The following DNAH3 variants were observed in gnomAD, a reference collection of about 807,000 sequenced individuals.
DNAH3 encodes the protein dynein axonemal heavy chain 3.
In DNAH3, 332 loss-of-function variants were observed where a neutral mutation model predicts 432.5. The observed-to-expected ratio is 0.77, with a 90% CI of 0.70 to 0.84. The LOEUF (loss-of-function observed/expected upper bound fraction) is 0.84. DNAH3 is among the 40% of genes least tolerant of loss of function. The pLI is 0.00. For missense variants in DNAH3, 4,861 were observed against 5,114.0 expected, an observed-to-expected ratio of 0.95 and a Z score of 1.51; for synonymous variants, 1,956 against 1,900.2, an observed-to-expected ratio of 1.03 and a Z score of -0.76.
chr16:20,954,131 G>A (rs1372497019), intron 55 of DNAH3, among the ~76,000 whole-genome samples: 1 of 151,000 alleles, frequency 6.6e-6, no homozygotes, highest in African/African-American at 2.4e-5. Flanking sequence ...GCTGAAGTGG[G>A]AGGATCGCTT....
At chr16:21,122,037 T>C (rs1399234767) in exon 10 of DNAH3, 1 of 1,613,736 alleles carries the variant, frequency 6.2e-7, no homozygotes, top group Non-Finnish European at 8.5e-7. Flanking sequence ...AAGACAATAA[T>C]GGGTTCACTG....
At chr16:21,155,373 C>G (rs2092891127) in intron 1 of DNAH3, among the ~76,000 whole-genome samples, 1 of 151,874 alleles carries the variant, frequency 6.6e-6, no homozygotes, top group African/African-American at 2.4e-5. Context: ...CCTGTAATCC[C>G]AACACTTTGG....
intron 51 of DNAH3, among the ~76,000 whole-genome samples, chr16:20,971,764 T>C (rs1201157865): frequency 6.6e-6 from 1 of 152,148 alleles, no homozygotes; most frequent in East Asian, 1.9e-4. Flanking sequence ...GGCTGTGCTG[T>C]TTTCCTTCCC....
chr16:21,041,065 T>G (rs930924962), intron 32 of DNAH3, among the ~76,000 whole-genome samples: 2 of 152,132 alleles, frequency 1.3e-5, no homozygotes, highest in Admixed American at 1.3e-4. Flanking sequence ...TTACAAATAC[T>G]GGGCAGTAAA....
chr16:20,936,545 T>C, intron 60 of DNAH3, 104 bp downstream of exon 60: 1 of 983,626 alleles, frequency 1.0e-6, no homozygotes, highest in Non-Finnish European at 1.5e-6. Context: ...GGATGTTCTG[T>C]GGCTGCCTGC....
Position 21,146,948 on chromosome 16 carries a change from C to T in DNAH3, c.118-860G>A, listed in dbSNP as rs75707925. Among the ~76,000 whole-genome samples, 72 of 151,936 alleles carry T rather than the reference C, an allele frequency of 4.7e-4. 1 individual carries two copies. The East Asian group carries it at 0.011, about 23-fold the overall frequency. ...GCTAATTTTATATTTTTAGTAGAGACGGGGTTTCATCATGTTGGCCAGGCT... is the reference window on the plus strand; with the variant it reads ...GCTAATTTTATATTTTTAGTAGAGATGGGGTTTCATCATGTTGGCCAGGCT... On this transcript the variant is annotated intron_variant, in intron 1 of 61. Coordinates refer to ENST00000261383, the Ensembl canonical transcript of DNAH3.
chr16:21,154,009 ACT>A lies in DNAH3; in HGVS notation c.117+5314_117+5315del, dbSNP rs1193223200. On this transcript the variant is annotated intron_variant, in intron 1 of 61. Transcript: ENST00000261383. Reference sequence around the variant, plus strand: ...AATTGAGACAGTGGGAGAGCTGGAGACTCTGGTTTAGACGGAAATGGGAAGAT... The same window carrying A: ...AATTGAGACAGTGGGAGAGCTGGAGACTGGTTTAGACGGAAATGGGAAGAT... Among the ~76,000 whole-genome samples, 7 of 152,206 alleles carry A rather than the reference ACT, an allele frequency of 4.6e-5. No individual in the cohort carries two copies. The East Asian group carries it at 7.7e-4, about 17-fold the overall frequency.
chr16:21,062,775 C>G (rs1046108599), intron 24 of DNAH3, 92 bp from the exon 25 acceptor site: 12 of 910,862 alleles, frequency 1.3e-5, no homozygotes, highest in South Asian at 6.7e-5. Context: ...TCCGCACCTA[C>G]GTGAATACCA....
exon 53 of DNAH3, chr16:20,963,393 T>C (rs750341535): frequency 1.9e-6 from 3 of 1,614,146 alleles, no homozygotes; most frequent in Non-Finnish European, 1.7e-6. Context: ...TATACAGCTT[T>C]CCCATATGTT....
intron 54 of DNAH3, among the ~76,000 whole-genome samples, chr16:20,958,361 A>T (rs1233408451): frequency 6.6e-6 from 1 of 152,138 alleles, no homozygotes; most frequent in African/African-American, 2.4e-5. Flanking sequence ...GGCGTGAGCC[A>T]CCATGCCTGG....
intron 41 of DNAH3, among the ~76,000 whole-genome samples, chr16:21,013,441 C>T (rs1345104892): frequency 6.6e-6 from 1 of 152,024 alleles, no homozygotes; most frequent in Non-Finnish European, 1.5e-5. Flanking sequence ...AAGAATGAGG[C>T]TGGGCGCAGT....
At chr16:21,156,089 G>A (rs2092895293) in intron 1 of DNAH3, among the ~76,000 whole-genome samples, 1 of 152,146 alleles carries the variant, frequency 6.6e-6, no homozygotes, top group Admixed American at 6.5e-5. Context: ...CCCCTTCCAT[G>A]TTGCAGGCTG....
chr16:21,018,273 A>G (rs2087964998), intron 41 of DNAH3, among the ~76,000 whole-genome samples: 1 of 152,194 alleles, frequency 6.6e-6, no homozygotes, highest in Admixed American at 6.5e-5. Context: ...ACAATCACAA[A>G]AAGTAAAGCT....
chr16:21,087,248 C>G (rs1445439302), intron 18 of DNAH3, among the ~76,000 whole-genome samples, 188 bp from the exon 19 acceptor site: 1 of 152,190 alleles, frequency 6.6e-6, no homozygotes, highest in African/African-American at 2.4e-5. Flanking sequence ...TTCTAAGCCT[C>G]AACAGTAACT....
Position 21,092,219 on chromosome 16 carries a change from A to G in DNAH3, c.2665+5136T>C, listed in dbSNP as rs547580241. On this transcript the variant is annotated intron_variant, in intron 18 of 61. Coordinates refer to ENST00000261383, the Ensembl canonical transcript of DNAH3. ...ATACTAGCCAGCTTCAAGAGTTACT[A>G]TAAAACTATTGTAATCAAAAAAGCG... 3.3e-5 allele frequency among the ~76,000 whole-genome samples: 5 copies of G among 152,358 alleles called. No individual in the cohort carries two copies. The East Asian group carries it at 9.6e-4, about 29-fold the overall frequency.
intron 42 of DNAH3, 97 bp downstream of exon 42, chr16:21,003,007 T>A: frequency 1.2e-6 from 1 of 863,468 alleles, no homozygotes; most frequent in South Asian, 1.5e-5. Flanking sequence ...AAGAAAGCCC[T>A]TAAAACTCCT....
rs373199384 is a variant in DNAH3, at chr16:21,069,397, T to C, written c.3381+18A>G. ...TTGTATTTCTGCTGGTAAGAGTTAT[T>C]AGGGTATAAAAACTTACCGCTTGGG... On this transcript the variant is annotated intron_variant, in intron 23 of 61. Coordinates refer to ENST00000261383, the Ensembl canonical transcript of DNAH3. 42 of 1,606,206 alleles carry C rather than the reference T, an allele frequency of 2.6e-5. No individual in the cohort carries two copies. In the African/African-American group the frequency reaches 5.2e-4, roughly 20 times the overall value.
At chr16:21,017,593 T>C (rs1479752953) in intron 41 of DNAH3, among the ~76,000 whole-genome samples, 1 of 152,218 alleles carries the variant, frequency 6.6e-6, no homozygotes, top group Non-Finnish European at 1.5e-5. Context: ...CTAAAATGTA[T>C]AAAACCGTGC....
chr16:20,962,032 G>A (rs1311940713), intron 53 of DNAH3, among the ~76,000 whole-genome samples: 1 of 151,610 alleles, frequency 6.6e-6, no homozygotes, highest in African/African-American at 2.4e-5. Context: ...GTGGCAGCAC[G>A]TGCCTGTAAT....
Sources: gnomAD v4.1 joint callset for allele counts (sites outside exome capture counted in the v4.1 genomes callset) on GRCh38, gnomAD v4.1.1 for gene constraint, MANE v1.5 for transcripts, NCBI Gene and HGNC (gene_info 2026-07-23, HGNC 2026-07-21) for gene names.